The following SULF1 variants were observed in gnomAD, a reference collection of about 807,000 sequenced individuals.
SULF1 encodes the protein extracellular sulfatase Sulf-1.
In SULF1, 46 loss-of-function variants were observed where a neutral mutation model predicts 110.5. That is an observed-to-expected ratio of 0.42 (90% CI 0.33 to 0.53). The LOEUF (loss-of-function observed/expected upper bound fraction) is 0.53, where lower values mean the gene tolerates loss of function less well. SULF1 is among the 20% of genes least tolerant of loss of function. The pLI is 0.12. For missense variants in SULF1, 941 were observed against 1,094.2 expected (o/e 0.86, Z 1.98); for synonymous variants, 371 against 387.1 (o/e 0.96, Z 0.49).
chr8:69,596,609 T>C (rs1411693337), intron 8 of SULF1, among the ~76,000 whole-genome samples: 2 of 152,132 alleles, frequency 1.3e-5, no homozygotes, highest in Non-Finnish European at 2.9e-5. Context: ...TTCCTTTTAA[T>C]GAGTGGGATT....
chr8:69,482,493 G>C (rs1432293630), intron 1 of SULF1, among the ~76,000 whole-genome samples: 1 of 152,036 alleles, frequency 6.6e-6, no homozygotes, highest in Non-Finnish European at 1.5e-5. Context: ...TTAATGTATA[G>C]TGGTATAAGA....
At chr8:69,611,712 G>C (rs778623449) in intron 13 of SULF1, among the ~76,000 whole-genome samples, 2 of 152,144 alleles carry the variant, frequency 1.3e-5, no homozygotes, top group Non-Finnish European at 2.9e-5. Flanking sequence ...TGACATTTCA[G>C]AGAACATGAT....
At chr8:69,493,217 A>G (rs1415378100) in intron 1 of SULF1, 92 bp downstream of exon 1, 4 of 152,470 alleles carry the variant, frequency 2.6e-5, no homozygotes, top group Non-Finnish European at 5.9e-5. Context: ...TTCATTATTC[A>G]TCATATTATT....
At chr8:69,582,815 G>A (rs1806172227) in intron 6 of SULF1, among the ~76,000 whole-genome samples, 1 of 152,222 alleles carries the variant, frequency 6.6e-6, no homozygotes, top group South Asian at 2.1e-4. Context: ...TTGAACGTTA[G>A]TGGGGTGTGG....
At chr8:69,552,733 AC>A (rs1814816285) in intron 3 of SULF1, among the ~76,000 whole-genome samples, 2 of 152,264 alleles carry the variant, frequency 1.3e-5, no homozygotes, top group Admixed American at 1.3e-4. Flanking sequence ...TTACCAGTAA[AC>A]CACCACATAG....
chr8:69,645,733 TCAGTTCCGTGA>T (rs1387373852), intron 22 of SULF1, among the ~76,000 whole-genome samples: 2 of 152,072 alleles, frequency 1.3e-5, no homozygotes, highest in Non-Finnish European at 2.9e-5. Context: ...GGACTTATCA[TCAGTTCCGTGA>T]CAGTGCAAGG....
rs770691763 is a variant in SULF1 at position 69,658,544 on chromosome 8, G to A, written c.*9G>A. On this transcript the variant is annotated 3_prime_UTR_variant, in exon 23 of 23. Coordinates refer to ENST00000402687, the MANE Select transcript of SULF1 (RefSeq NM_001128205.2). The stretch of plus-strand genomic sequence containing the variant: ...ATGGATGGGAAGGTTAATCAGCCCC[G>A]TCTCACTGCAGACATCAACTGGCAA... 7 of 1,610,832 alleles carry A rather than the reference G, an allele frequency of 4.3e-6. No individual in the cohort carries two copies. Among genetic ancestry groups the A allele is most frequent in the Middle Eastern group, 1.7e-4 (1 of 5,978 alleles).
At chr8:69,639,794 G>C (rs1478110527) in intron 21 of SULF1, among the ~76,000 whole-genome samples, 1 of 152,194 alleles carries the variant, frequency 6.6e-6, no homozygotes, top group Non-Finnish European at 1.5e-5. Flanking sequence ...TGCCTTGAAA[G>C]GGGTAGGGAT....
intron 3 of SULF1, among the ~76,000 whole-genome samples, chr8:69,510,891 A>G (rs1160835062): frequency 6.6e-6 from 1 of 151,522 alleles, no homozygotes; most frequent in African/African-American, 2.4e-5. Flanking sequence ...TGCTGGGATT[A>G]CAGGCGTGAA....
At chr8:69,604,959 C>G in intron 13 of SULF1, 27 bp downstream of exon 13, 1 of 1,611,654 alleles carries the variant, frequency 6.2e-7, no homozygotes, top group Non-Finnish European at 8.5e-7. Context: ...TTCTTTACCA[C>G]CACTCATGTG....
In SULF1 at chr8:69,603,093, G is replaced by C. The variant is rs991894212; in HGVS notation, c.1062-99G>C. ...AGGAGACCAGATGAGAGGGTGAGAA[G>C]AGTTGAAGGCCAATGAGTCACTGCT... is the stretch of plus-strand genomic sequence containing the variant. On this transcript the variant is annotated intron_variant, in intron 10 of 22. Transcript: ENST00000402687. 3.3e-6 allele frequency: 5 copies of C among 1,524,608 alleles called. No homozygotes were observed. The East Asian group carries it at 1.1e-4, about 35-fold the overall frequency. The allele number at this position is 1,524,608 out of a possible 1,614,324, so 94.4% of individuals were successfully genotyped here. A position where few individuals can be genotyped will look rare whatever the true frequency, so the allele number is the denominator to read the frequency against.
At chr8:69,579,104 T>A (rs1166153781) in intron 6 of SULF1, among the ~76,000 whole-genome samples, 1 of 131,956 alleles carries the variant, frequency 7.6e-6, no homozygotes, top group East Asian at 2.2e-4. Context: ...GAGCTTCCAG[T>A]GAGCCAAGAT....
chr8:69,572,581 G>C (rs1805313185), intron 5 of SULF1, among the ~76,000 whole-genome samples: 1 of 152,102 alleles, frequency 6.6e-6, no homozygotes, highest in Admixed American at 6.5e-5. Context: ...TCCAGCTCTA[G>C]GCTTCCCTGA....
At chr8:69,508,933 A>G (rs1468391531) in intron 3 of SULF1, among the ~76,000 whole-genome samples, 1 of 152,182 alleles carries the variant, frequency 6.6e-6, no homozygotes, top group East Asian at 1.9e-4. Flanking sequence ...GTAAGTAGCC[A>G]TAATATAATG....
chr8:69,516,172 A>G (rs1811905754), intron 3 of SULF1, among the ~76,000 whole-genome samples: 1 of 152,132 alleles, frequency 6.6e-6, no homozygotes, highest in Admixed American at 6.5e-5. Context: ...TCATTCTCAC[A>G]TTGCTATAAA....
intron 1 of SULF1, among the ~76,000 whole-genome samples, chr8:69,485,516 A>C (rs1448716392): frequency 6.6e-6 from 1 of 152,136 alleles, no homozygotes; most frequent in African/African-American, 2.4e-5. Flanking sequence ...CTCCAGCCTT[A>C]GCCTCAGCTT....
chr8:69,538,208 AC>A (rs1158268787), intron 3 of SULF1, among the ~76,000 whole-genome samples: 1 of 147,278 alleles, frequency 6.8e-6, no homozygotes, highest in Non-Finnish European at 1.5e-5. Flanking sequence ...TTATATGTAT[AC>A]TTTTTTTTCA....
At chr8:69,471,906 T>A (rs1809101843) in intron 1 of SULF1, among the ~76,000 whole-genome samples, 1 of 152,190 alleles carries the variant, frequency 6.6e-6, no homozygotes, top group Non-Finnish European at 1.5e-5. Context: ...TCATTAATCC[T>A]ATGTATCTAT....
At chr8:69,557,338 A>G (rs940193413) in intron 3 of SULF1, among the ~76,000 whole-genome samples, 3 of 152,232 alleles carry the variant, frequency 2.0e-5, no homozygotes, top group Non-Finnish European at 2.9e-5. Context: ...TGGTTTTCAT[A>G]ATATCTAGAT....
Sources: allele counts gnomAD v4.1 joint callset (sites outside exome capture counted in the v4.1 genomes callset), GRCh38; gene constraint gnomAD v4.1.1; transcripts MANE v1.5; gene names NCBI Gene and HGNC (gene_info 2026-07-23, HGNC 2026-07-21).